Variants in UBE2E3 observed in about 807,000 individuals in gnomAD.
UBE2E3 encodes the protein ubiquitin-conjugating enzyme E2 E3.
UBE2E3 carries 5 observed loss-of-function variants against 23.6 expected under a neutral mutation model. The ratio of observed to expected loss-of-function variants is 0.21; its 90% CI spans 0.11 to 0.44. The LOEUF is 0.44. UBE2E3 is among the 20% of genes least tolerant of loss of function. The pLI is 0.99. For missense variants in UBE2E3, 81 were observed against 249.8 expected (o/e 0.32, Z 4.55); for synonymous variants, 78 against 87.5 (o/e 0.89, Z 0.60).
chr2:181,049,437 T>A (rs1461310884), intron 3 of UBE2E3, among the ~76,000 whole-genome samples: 2 of 152,102 alleles, frequency 1.3e-5, no homozygotes, highest in Non-Finnish European at 2.9e-5. Flanking sequence ...TGTGTATGGT[T>A]GTACTTGTAG....
At chr2:181,044,320 A>T (rs192017046) in intron 3 of UBE2E3, among the ~76,000 whole-genome samples, 2 of 152,324 alleles carry the variant, frequency 1.3e-5, no homozygotes, top group East Asian at 3.9e-4. Context: ...GAAACTGACT[A>T]TATGTAATTT....
In UBE2E3 at chr2:180,981,869, TA is replaced by T; in HGVS notation, c.-25-148del. 2 of 462,864 alleles carry T rather than the reference TA, an allele frequency of 4.3e-6. 1 individual carries two copies. Among genetic ancestry groups the T allele is most frequent in the East Asian group, 7.5e-5 (2 of 26,624 alleles). The allele number at this position is 462,864 out of a possible 1,614,324, so 28.7% of individuals were successfully genotyped here. Reference sequence around the variant, plus strand: ...GTTGTGTGACACATCACCTCCCTTGTACGTACCCCTGTTGTACGATGAAATA... The same window carrying T: ...GTTGTGTGACACATCACCTCCCTTGTCGTACCCCTGTTGTACGATGAAATA... On this transcript the variant is annotated intron_variant, in intron 1 of 5. Transcript: ENST00000410062.
At chr2:181,022,324 A>G (rs1451690651) in intron 3 of UBE2E3, among the ~76,000 whole-genome samples, 1 of 151,890 alleles carries the variant, frequency 6.6e-6, no homozygotes, top group African/African-American at 2.4e-5. Context: ...AACACAGTTG[A>G]TTTTCATTAT....
chr2:181,055,671 AATAGTTAAATGTACACTTTGTCCT>A (rs202151923), intron 3 of UBE2E3, among the ~76,000 whole-genome samples: 5,568 of 151,778 alleles, frequency 0.037, 289 homozygotes, highest in East Asian at 0.19. Context: ...ACTATCCTGC[AATAGTTAAATGTACACTTTGTCCT>A]ATAGTTAAAT....
chr2:180,981,873 TAC>T, intron 1 of UBE2E3, 143 bp from the exon 2 acceptor site: 1 of 616,656 alleles, frequency 1.6e-6, no homozygotes, highest in Middle Eastern at 4.6e-4. Context: ...CCCTTGTACG[TAC>T]CCCTGTTGTA....
chr2:181,029,097 G>A lies in UBE2E3; in HGVS notation c.246-28596G>A, dbSNP rs147744136. On this transcript the variant is annotated intron_variant, in intron 3 of 5. Transcript: ENST00000410062. ...TAGTAACTTTATTGAATAGTCCAGT[G>A]GCTAGAGTGCCATCTGTCATTTCAT... 4.5e-3 allele frequency among the ~76,000 whole-genome samples: 681 copies of A among 152,120 alleles called. 11 individuals carry two copies. The highest frequency in any genetic ancestry group is 0.015 in the African/African-American group (623 of 41,498).
At chr2:181,050,295 A>C (rs904052078) in intron 3 of UBE2E3, among the ~76,000 whole-genome samples, 1 of 151,886 alleles carries the variant, frequency 6.6e-6, no homozygotes, top group Non-Finnish European at 1.5e-5. Flanking sequence ...GGTTTTCTTC[A>C]ACTCTTTCAA....
chr2:181,042,890 A>C (rs566745592), intron 3 of UBE2E3, among the ~76,000 whole-genome samples: 2 of 152,222 alleles, frequency 1.3e-5, no homozygotes, highest in Non-Finnish European at 2.9e-5. Context: ...ACAACGTCAC[A>C]CATCTGGTAA....
intron 3 of UBE2E3, among the ~76,000 whole-genome samples, chr2:181,008,858 C>T (rs1209195301): frequency 2.0e-5 from 3 of 150,002 alleles, no homozygotes; most frequent in Non-Finnish European, 4.4e-5. Context: ...AGACAGTGAC[C>T]GTGATTCTCT....
chr2:181,024,705 A>C (rs1685824156), intron 3 of UBE2E3, among the ~76,000 whole-genome samples: 1 of 152,012 alleles, frequency 6.6e-6, no homozygotes, highest in African/African-American at 2.4e-5. Context: ...TTATATGCTC[A>C]TCATCTAGAT....
intron 3 of UBE2E3, among the ~76,000 whole-genome samples, chr2:181,005,969 G>A (rs2105599598): frequency 6.6e-6 from 1 of 152,290 alleles, no homozygotes; most frequent in Non-Finnish European, 1.5e-5. Context: ...TTTGGCTCAT[G>A]TGTATAATTA....
intron 3 of UBE2E3, among the ~76,000 whole-genome samples, chr2:181,021,551 ACTCCCTTCCTTCCTTCCTTCCTCC>A (rs1559124241): frequency 2.2e-4 from 6 of 27,212 alleles, no homozygotes; most frequent in South Asian, 1.3e-3. Context: ...TTTTAAATAT[ACTCCCTTCCTTCCTTCCTTCCTCC>A]CTCCCTCCCT....
chr2:181,057,624 C>T, intron 3 of UBE2E3, 69 bp from the exon 4 acceptor site: 3 of 1,332,818 alleles, frequency 2.3e-6, no homozygotes, highest in South Asian at 2.9e-5. Flanking sequence ...TTAACACTTC[C>T]CTGGTTTTAG....
intron 3 of UBE2E3, among the ~76,000 whole-genome samples, chr2:180,990,242 G>A (rs1008511548): frequency 6.6e-6 from 1 of 152,142 alleles, no homozygotes; most frequent in African/African-American, 2.4e-5. Context: ...GAAGGAGAAG[G>A]GGGCTACCAC....
intron 3 of UBE2E3, among the ~76,000 whole-genome samples, chr2:181,026,279 A>G (rs1171832491): frequency 1.3e-5 from 2 of 151,860 alleles, no homozygotes; most frequent in Non-Finnish European, 3.0e-5. Flanking sequence ...TATAGATTAC[A>G]TATTCTGTAG....
At chr2:180,997,688 T>C (rs1249057738) in intron 3 of UBE2E3, among the ~76,000 whole-genome samples, 2 of 152,166 alleles carry the variant, frequency 1.3e-5, no homozygotes, top group South Asian at 2.1e-4. Context: ...ATCTTTATTT[T>C]TTCTTCCATT....
At chr2:180,989,092 A>G (rs569508876) in intron 3 of UBE2E3, among the ~76,000 whole-genome samples, 3 of 152,298 alleles carry the variant, frequency 2.0e-5, no homozygotes, top group Non-Finnish European at 4.4e-5. Flanking sequence ...TGGCATCAGC[A>G]TAAACCTCAA....
chr2:180,999,827 T>G (rs1041453528), intron 3 of UBE2E3, among the ~76,000 whole-genome samples: 5 of 152,230 alleles, frequency 3.3e-5, no homozygotes, highest in African/African-American at 1.2e-4. Context: ...TAATACCTGT[T>G]TCATCATTCT....
chr2:181,055,722 G>A (rs570795249), intron 3 of UBE2E3, among the ~76,000 whole-genome samples: 44 of 151,816 alleles, frequency 2.9e-4, no homozygotes, highest in African/African-American at 9.7e-4. Flanking sequence ...TTTGTCCGAT[G>A]GCAAATAGCA....
Sources: allele counts gnomAD v4.1 joint callset (sites outside exome capture counted in the v4.1 genomes callset), GRCh38; gene constraint gnomAD v4.1.1; transcripts MANE v1.5; gene names NCBI Gene and HGNC (gene_info 2026-07-23, HGNC 2026-07-21).